The following KCND2 variants were observed in gnomAD, a reference collection of about 807,000 sequenced individuals.
KCND2 encodes A-type voltage-gated potassium channel KCND2.
A neutral mutation model predicts 54.4 loss-of-function variants in KCND2; 16 were observed. That is an observed-to-expected ratio of 0.29 (90% CI 0.20 to 0.45). The LOEUF is 0.45. Among genes scored for constraint, KCND2 ranks in the 20% least tolerant of loss-of-function variants. The probability of loss-of-function intolerance (pLI) is 1.00; values close to 1 mark genes in which losing one functional copy is unlikely to be tolerated. For missense variants in KCND2, 486 were observed against 824.2 expected, an observed-to-expected ratio of 0.59 and a Z score of 5.02; for synonymous variants, 317 against 310.7, an observed-to-expected ratio of 1.02 and a Z score of -0.21.
At chr7:120,555,949 T>A (rs1484145465) in intron 1 of KCND2, among the ~76,000 whole-genome samples, 1 of 152,218 alleles carries the variant, frequency 6.6e-6, no homozygotes, top group African/African-American at 2.4e-5. Context: ...ATTTAAAAAT[T>A]ATAATTTTCA....
chr7:120,673,044 G>A (rs1792013593), intron 1 of KCND2: 1 of 152,070 alleles, frequency 6.6e-6, no homozygotes, highest in South Asian at 2.1e-4. Flanking sequence ...AACACACAGA[G>A]AGACAACAAG....
chr7:120,565,484 A>G (rs1398060473), intron 1 of KCND2, among the ~76,000 whole-genome samples: 1 of 152,172 alleles, frequency 6.6e-6, no homozygotes, highest in African/African-American at 2.4e-5. Flanking sequence ...TACTCACCCA[A>G]TAGATAAAAG....
intron 1 of KCND2, among the ~76,000 whole-genome samples, chr7:120,283,305 C>T (rs933973236): frequency 6.6e-6 from 1 of 152,080 alleles, no homozygotes; most frequent in African/African-American, 2.4e-5. Context: ...ACAATAAAGA[C>T]TTCTGATTTC....
At chr7:120,740,901 T>C in intron 2 of KCND2, 1 of 432,884 alleles carries the variant, frequency 2.3e-6, no homozygotes, top group South Asian at 1.6e-5. Context: ...ACAGTTGTTT[T>C]TGTTTATTTG....
intron 1 of KCND2, among the ~76,000 whole-genome samples, chr7:120,528,583 A>C (rs1008826619): frequency 3.3e-5 from 5 of 152,162 alleles, no homozygotes; most frequent in Admixed American, 1.3e-4. Context: ...CAGAGTAACC[A>C]GCAACTTTTA....
chr7:120,578,916 TCA>T (rs111758455), intron 1 of KCND2, among the ~76,000 whole-genome samples: 12,688 of 146,380 alleles, frequency 0.087, 586 homozygotes, highest in South Asian at 0.095. Context: ...AGACCCTGTC[TCA>T]CACACACACA....
At chr7:120,454,860 A>G (rs1802171105) in intron 1 of KCND2, among the ~76,000 whole-genome samples, 1 of 152,220 alleles carries the variant, frequency 6.6e-6, no homozygotes, top group South Asian at 2.1e-4. Flanking sequence ...TTAGTGTACA[A>G]AAATCAGTAG....
intron 1 of KCND2, among the ~76,000 whole-genome samples, chr7:120,592,495 G>A (rs1391906635): frequency 6.6e-6 from 1 of 152,162 alleles, no homozygotes. Flanking sequence ...TCATGCCACT[G>A]CACTCCAGCC....
In KCND2 at chr7:120,425,877, C is replaced by T. The variant is rs67560031; in HGVS notation, c.1115+150130C>T. Among the ~76,000 whole-genome samples, 7,652 of 152,138 alleles carry T rather than the reference C, an allele frequency of 0.05. 980 individuals carry two copies. In the East Asian group the frequency reaches 0.53, roughly 10 times the overall value. On this transcript the variant is annotated intron_variant, in intron 1 of 5. Transcript: ENST00000331113. ...CTTTTGTTGTTGTTGTTTTAATTTC[C>T]TCTTACATTTCTGGATTCTTCTACT...
chr7:120,534,781 A>G (rs1328861533), intron 1 of KCND2, among the ~76,000 whole-genome samples: 2 of 152,304 alleles, frequency 1.3e-5, no homozygotes, highest in African/African-American at 2.4e-5. Context: ...AAATAAAAAA[A>G]AGGTTATTTA....
chr7:120,697,048 T>C (rs1792341063), intron 1 of KCND2, among the ~76,000 whole-genome samples: 1 of 152,214 alleles, frequency 6.6e-6, no homozygotes, highest in Non-Finnish European at 1.5e-5. Flanking sequence ...AGCTTTTGAA[T>C]CTCTGAGTCA....
At chr7:120,431,109 A>G (rs1801782858) in intron 1 of KCND2, among the ~76,000 whole-genome samples, 1 of 152,206 alleles carries the variant, frequency 6.6e-6, no homozygotes, top group African/African-American at 2.4e-5. Context: ...ATCTGTGTTT[A>G]TAACTTTTGA....
chr7:120,522,211 T>G (rs189091446), intron 1 of KCND2, among the ~76,000 whole-genome samples: 144 of 152,330 alleles, frequency 9.5e-4, no homozygotes, highest in African/African-American at 3.1e-3. Flanking sequence ...TGAAATTATT[T>G]TCTGCTGCAG....
chr7:120,464,472 G>C (rs1266582729), intron 1 of KCND2, among the ~76,000 whole-genome samples: 1 of 152,068 alleles, frequency 6.6e-6, no homozygotes, highest in Non-Finnish European at 1.5e-5. Context: ...GTTGGAGCAG[G>C]CTTAGTGTAT....
chr7:120,344,506 G>A (rs764721301), intron 1 of KCND2, among the ~76,000 whole-genome samples: 16 of 152,066 alleles, frequency 1.1e-4, no homozygotes, highest in Non-Finnish European at 1.8e-4. Context: ...GCTTGAGGCC[G>A]TTTATAAGAA....
At chr7:120,510,347 G>A (rs1803094507) in intron 1 of KCND2, among the ~76,000 whole-genome samples, 4 of 152,100 alleles carry the variant, frequency 2.6e-5, no homozygotes, top group Non-Finnish European at 5.9e-5. Context: ...ACTTGCTTAA[G>A]ATTACCAATT....
chr7:120,699,420 C>A (rs955293581), intron 1 of KCND2, among the ~76,000 whole-genome samples: 2 of 152,008 alleles, frequency 1.3e-5, no homozygotes, highest in Non-Finnish European at 2.9e-5. Flanking sequence ...GTGGTAGGAC[C>A]CAAATATACA....
chr7:120,356,207 A>G (rs1484977820), intron 1 of KCND2, among the ~76,000 whole-genome samples: 1 of 152,120 alleles, frequency 6.6e-6, no homozygotes. Flanking sequence ...CTCTAATGGA[A>G]AACTACTGAG....
At chr7:120,447,572 T>A (rs1370381356) in intron 1 of KCND2, among the ~76,000 whole-genome samples, 1 of 152,130 alleles carries the variant, frequency 6.6e-6, no homozygotes, top group South Asian at 2.1e-4. Flanking sequence ...TCTTTTCTTA[T>A]GAAAGTCCTG....
Sources: gnomAD v4.1 joint callset for allele counts (sites outside exome capture counted in the v4.1 genomes callset) on GRCh38, gnomAD v4.1.1 for gene constraint, MANE v1.5 for transcripts, NCBI Gene and HGNC (gene_info 2026-07-23, HGNC 2026-07-21) for gene names.